Variants in ARHGAP24 observed in about 807,000 individuals in gnomAD.
ARHGAP24 encodes rho GTPase-activating protein 24.
ARHGAP24 carries 50 observed loss-of-function variants against 76.4 expected under a neutral mutation model. That is an observed-to-expected ratio of 0.65 (90% CI 0.52 to 0.83). The LOEUF (loss-of-function observed/expected upper bound fraction) is 0.83. Ranked by LOEUF, ARHGAP24 falls within the 40% of genes least tolerant of loss-of-function variation. ARHGAP24 has a pLI of 0.00. For missense variants in ARHGAP24, 930 were observed against 914.2 expected, an observed-to-expected ratio of 1.02 and a Z score of -0.22; for synonymous variants, 345 against 323.3, an observed-to-expected ratio of 1.07 and a Z score of -0.72.
rs70948741 is a variant in ARHGAP24, at chr4:85,643,234, GTTTTTTTTTTTTTTTTTTT to G, written c.180+72530_180+72548del. Among the ~76,000 whole-genome samples the G allele has an allele frequency of 1.1e-4, 6 of 54,630 alleles. 1 individual carries two copies. The South Asian group carries it at 3.9e-3, about 36-fold the overall frequency. 35.8% of individuals were successfully genotyped at this position (54,630 alleles called of 152,430 possible). ...TCTTTTTTATTTTCCGTTTTTTTGTGTTTTTTTTTTTTTTTTTTTTTTTTTTTTTTTTTTTGAGACGGAG... is the reference window on the plus strand; with the variant it reads ...TCTTTTTTATTTTCCGTTTTTTTGTGTTTTTTTTTTTTTTTTGAGACGGAG... On this transcript the variant is annotated intron_variant, in intron 2 of 9. Transcript: ENST00000395184.
intron 1 of ARHGAP24, among the ~76,000 whole-genome samples, chr4:85,556,901 G>A (rs1345246908): frequency 6.6e-6 from 1 of 152,136 alleles, no homozygotes; most frequent in Non-Finnish European, 1.5e-5. Flanking sequence ...CCAGGAGGGG[G>A]TCACTAAAGT....
rs57323910 is a variant in ARHGAP24 at position 85,671,570 on chromosome 4, A to G, written c.181-50315A>G. Reference sequence around the variant, plus strand: ...GAAGACAGGAGGTATATATAAAGAGAGGTTTTAGCTGTAGACTTTTGTTTT... The same window carrying G: ...GAAGACAGGAGGTATATATAAAGAGGGGTTTTAGCTGTAGACTTTTGTTTT... On this transcript the variant is annotated intron_variant, in intron 2 of 9. Transcript: ENST00000395184. Among the ~76,000 whole-genome samples, 589 of 152,282 alleles carry G rather than the reference A, an allele frequency of 3.9e-3. 1 individual carries two copies. Among genetic ancestry groups the G allele is most frequent in the African/African-American group, 0.013 (547 of 41,566 alleles).
At chr4:85,686,049 T>G (rs6849742) in intron 2 of ARHGAP24, among the ~76,000 whole-genome samples, 7,652 of 152,238 alleles carry the variant, frequency 0.05, 617 homozygotes, top group African/African-American at 0.18. Flanking sequence ...ACCTACATGA[T>G]GGTTGTCTAG....
At chr4:85,516,990 T>A (rs1238652025) in intron 1 of ARHGAP24, among the ~76,000 whole-genome samples, 1 of 152,210 alleles carries the variant, frequency 6.6e-6, no homozygotes, top group Non-Finnish European at 1.5e-5. Flanking sequence ...TTTTTCCTAA[T>A]AGCTTTCCAG....
Position 85,726,211 on chromosome 4 carries a change from A to G in ARHGAP24, c.268+4239A>G, listed in dbSNP as rs79658801. Among the ~76,000 whole-genome samples, 30 of 150,822 alleles carry G rather than the reference A, an allele frequency of 2.0e-4. No individual in the cohort carries two copies. In the East Asian group the frequency reaches 5.6e-3, roughly 28 times the overall value. On this transcript the variant is annotated intron_variant, in intron 3 of 9. Coordinates refer to ENST00000395184, the MANE Select transcript of ARHGAP24 (RefSeq NM_001025616.3). Reference sequence around the variant, plus strand: ...TTTCCATCGGTCTTTTCAGCTTAGAATGTGGAGTTTTAGCCTCTTTTGGGG... The same window carrying G: ...TTTCCATCGGTCTTTTCAGCTTAGAGTGTGGAGTTTTAGCCTCTTTTGGGG...
At chr4:85,734,100 T>A (rs1203092907) in intron 3 of ARHGAP24, among the ~76,000 whole-genome samples, 1 of 152,186 alleles carries the variant, frequency 6.6e-6, no homozygotes, top group African/African-American at 2.4e-5. Context: ...TCCAGAACTC[T>A]ACTTATTCCT....
chr4:85,547,823 A>G (rs1382158137), intron 1 of ARHGAP24, among the ~76,000 whole-genome samples: 1 of 152,184 alleles, frequency 6.6e-6, no homozygotes, highest in East Asian at 1.9e-4. Flanking sequence ...ATTAATTTGT[A>G]AGAAGAAACT....
At chr4:85,824,472 T>C (rs994284185) in intron 3 of ARHGAP24, among the ~76,000 whole-genome samples, 2 of 152,206 alleles carry the variant, frequency 1.3e-5, no homozygotes, top group Non-Finnish European at 2.9e-5. Flanking sequence ...TGAGTATCTG[T>C]GTGAAATGAA....
chr4:85,969,655 C>G (rs1195968893), intron 5 of ARHGAP24, among the ~76,000 whole-genome samples: 1 of 151,986 alleles, frequency 6.6e-6, no homozygotes, highest in East Asian at 1.9e-4. Flanking sequence ...GGTTTTTTTA[C>G]TACTAATGAC....
intron 1 of ARHGAP24, among the ~76,000 whole-genome samples, chr4:85,504,396 C>T (rs536769393): frequency 1.3e-5 from 2 of 152,216 alleles, no homozygotes; most frequent in Admixed American, 6.5e-5. Flanking sequence ...TGAATCAGGA[C>T]GTGCTCCTCT....
intron 5 of ARHGAP24, among the ~76,000 whole-genome samples, chr4:85,968,499 T>G (rs751795185): frequency 6.6e-6 from 1 of 152,144 alleles, no homozygotes; most frequent in African/African-American, 2.4e-5. Context: ...AAGTAAATAT[T>G]AATTTGGCAA....
At chr4:85,807,790 G>A (rs905193908) in intron 3 of ARHGAP24, among the ~76,000 whole-genome samples, 2 of 152,114 alleles carry the variant, frequency 1.3e-5, no homozygotes, top group Admixed American at 6.6e-5. Context: ...TCCACATCCT[G>A]TAACCTCCCA....
intron 2 of ARHGAP24, among the ~76,000 whole-genome samples, chr4:85,590,908 A>G (rs980490498): frequency 2.0e-5 from 3 of 152,156 alleles, no homozygotes; most frequent in Admixed American, 1.3e-4. Context: ...GGAAAAAAAT[A>G]AAGAGTAGTC....
At chr4:85,880,673 C>T (rs12500639) in intron 3 of ARHGAP24, among the ~76,000 whole-genome samples, 8,563 of 152,154 alleles carry the variant, frequency 0.056, 493 homozygotes, top group South Asian at 0.24. Context: ...GGACCGCAGG[C>T]GCCCAACATC....
intron 1 of ARHGAP24, among the ~76,000 whole-genome samples, chr4:85,545,672 C>T (rs1487847639): frequency 6.6e-6 from 1 of 152,134 alleles, no homozygotes; most frequent in Non-Finnish European, 1.5e-5. Flanking sequence ...TGCCAAGTCT[C>T]AGCACTTTAA....
chr4:85,564,973 C>CA (rs1726780324), intron 1 of ARHGAP24, among the ~76,000 whole-genome samples: 2 of 120,742 alleles, frequency 1.7e-5, no homozygotes, highest in African/African-American at 6.0e-5. Context: ...TATATATACC[C>CA]ACACCCACCA....
At chr4:85,532,818 G>A (rs1725323386) in intron 1 of ARHGAP24, among the ~76,000 whole-genome samples, 1 of 152,142 alleles carries the variant, frequency 6.6e-6, no homozygotes, top group South Asian at 2.1e-4. Context: ...AATCCTTAAT[G>A]TATAAACTGC....
At chr4:85,564,667 A>C (rs551696308) in intron 1 of ARHGAP24, among the ~76,000 whole-genome samples, 2 of 151,752 alleles carry the variant, frequency 1.3e-5, no homozygotes, top group African/African-American at 4.8e-5. Context: ...GTTACACTTC[A>C]GATCATCAGA....
At chr4:85,674,036 G>A (rs1722894681) in intron 2 of ARHGAP24, among the ~76,000 whole-genome samples, 1 of 152,080 alleles carries the variant, frequency 6.6e-6, no homozygotes, top group Admixed American at 6.6e-5. Context: ...ACTAGCCTGG[G>A]CTCTCGACTT....
Sources: gnomAD v4.1 joint callset for allele counts (sites outside exome capture counted in the v4.1 genomes callset) on GRCh38, gnomAD v4.1.1 for gene constraint, MANE v1.5 for transcripts, NCBI Gene and HGNC (gene_info 2026-07-23, HGNC 2026-07-21) for gene names.